Variants in NEBL observed in about 807,000 individuals in gnomAD.
The protein encoded by NEBL is nebulette.
A neutral mutation model predicts 140.2 loss-of-function variants in NEBL; 122 were observed. The observed-to-expected ratio is 0.87, with a 90% confidence interval of 0.75 to 1.01. NEBL has a LOEUF of 1.01. NEBL is among the 50% of genes least tolerant of loss of function. NEBL has a pLI of 0.00. For missense variants in NEBL, 1,365 were observed against 1,231.3 expected (o/e 1.11, Z -1.62); for synonymous variants, 436 against 398.9 (o/e 1.09, Z -1.11).
chr10:21,060,496 C>G (rs1835225006), intron 2 of NEBL, among the ~76,000 whole-genome samples: 1 of 152,296 alleles, frequency 6.6e-6, no homozygotes, highest in East Asian at 1.9e-4. Context: ...CGTACACCCT[C>G]TTGCCTACTC....
At chr10:21,030,350 G>T (rs1833729188) in intron 2 of NEBL, 1 of 621,510 alleles carries the variant, frequency 1.6e-6, no homozygotes. Context: ...CGCCACACCC[G>T]GCAAAAGTCA....
intron 2 of NEBL, among the ~76,000 whole-genome samples, chr10:21,078,801 T>C (rs1413611813): frequency 1.3e-5 from 2 of 152,214 alleles, no homozygotes; most frequent in Admixed American, 1.3e-4. Context: ...GACAGAGATA[T>C]TTGGGCAAAG....
chr10:20,813,070 T>C, intron 23 of NEBL, 130 bp from the exon 24 acceptor site: 1 of 788,474 alleles, frequency 1.3e-6, no homozygotes, highest in Non-Finnish European at 2.1e-6. Context: ...CTTTTCCAAA[T>C]ACTCCAAAAC....
chr10:20,800,136 A>T (rs1227115877), intron 26 of NEBL, among the ~76,000 whole-genome samples: 1 of 82,496 alleles, frequency 1.2e-5, no homozygotes, highest in Non-Finnish European at 2.5e-5. Flanking sequence ...CCATCCCCCC[A>T]CCCCATCGTA....
chr10:21,080,531 T>A (rs1836316697), intron 2 of NEBL, among the ~76,000 whole-genome samples: 1 of 152,248 alleles, frequency 6.6e-6, no homozygotes, highest in Non-Finnish European at 1.5e-5. Flanking sequence ...GAAGTTAGCC[T>A]TGGATCTTAG....
chr10:21,173,728 C>T lies in NEBL; in HGVS notation c.69+37G>A, dbSNP rs1256841101. The stretch of plus-strand genomic sequence containing the variant: ...CTCGAAGCAGGTGCAGCCCCTCGCC[C>T]GGCAGGTCCAGGCTGGCCCGGCGCC... On this transcript the variant is annotated intron_variant, in intron 1 of 6. Coordinates refer to the NEBL transcript ENST00000417816. This position sits in a 1 kb window ranked among gnomAD's most constrained non-coding sequence, Gnocchi z 5.7. 1.2e-6 allele frequency: 2 copies of T among 1,611,580 alleles called. No homozygotes were observed. The highest frequency in any genetic ancestry group is 1.7e-4 in the Middle Eastern group (1 of 6,060).
intron 3 of NEBL, among the ~76,000 whole-genome samples, chr10:21,186,307 C>A (rs1249848894): frequency 1.3e-5 from 2 of 151,110 alleles, no homozygotes; most frequent in Admixed American, 6.6e-5. Context: ...CACATTCCCC[C>A]CCACCATTAA....
At chr10:21,196,321 A>ATTTC (rs1841649381) in intron 3 of NEBL, among the ~76,000 whole-genome samples, 1 of 135,776 alleles carries the variant, frequency 7.4e-6, no homozygotes, top group Non-Finnish European at 1.5e-5. Flanking sequence ...ATTTTTATTT[A>ATTTC]TTTATTTATT....
intron 2 of NEBL, among the ~76,000 whole-genome samples, chr10:21,076,898 T>G (rs559822092): frequency 1.5e-4 from 23 of 151,930 alleles, no homozygotes; most frequent in Non-Finnish European, 2.5e-4. Context: ...GAAAGTAAGA[T>G]GACGGAGGGG....
At chr10:21,116,983 T>C (rs1380424363) in intron 2 of NEBL, among the ~76,000 whole-genome samples, 1 of 152,070 alleles carries the variant, frequency 6.6e-6, no homozygotes, top group African/African-American at 2.4e-5. Flanking sequence ...GAATGACCGG[T>C]AATTTTTATT....
At chr10:20,990,452 T>C (rs1837415349) in intron 3 of NEBL, among the ~76,000 whole-genome samples, 2 of 152,182 alleles carry the variant, frequency 1.3e-5, no homozygotes, top group Admixed American at 6.5e-5. Context: ...TCTCTCTCTC[T>C]CTACCATGCA....
In NEBL at chr10:20,958,831, T is replaced by C. The variant is rs528242150; in HGVS notation, c.357+2841A>G. Among the ~76,000 whole-genome samples the C allele has an allele frequency of 2.6e-5, 4 of 152,268 alleles. 1 individual carries two copies. In the South Asian group the frequency reaches 8.3e-4, roughly 31 times the overall value. On this transcript the variant is annotated intron_variant, in intron 4 of 6. Transcript: ENST00000417816. ...ATTACAGCTACCCAGAAAAGGCAAG[T>C]TCACCCACTCTCACCTCGTTCATCA...
intron 2 of NEBL, among the ~76,000 whole-genome samples, chr10:21,078,233 A>G (rs1329632555): frequency 1.3e-5 from 2 of 152,214 alleles, no homozygotes; most frequent in African/African-American, 4.8e-5. Flanking sequence ...AAACAAATGG[A>G]CCAGAATGAA....
At chr10:21,006,453 G>A (rs1262671696) in intron 3 of NEBL, among the ~76,000 whole-genome samples, 1 of 152,160 alleles carries the variant, frequency 6.6e-6, no homozygotes, top group Non-Finnish European at 1.5e-5. Context: ...AAGGCAGGGA[G>A]TCCATAATCT....
At chr10:21,014,058 T>A (rs1838460088) in intron 3 of NEBL, among the ~76,000 whole-genome samples, 1 of 152,164 alleles carries the variant, frequency 6.6e-6, no homozygotes, top group African/African-American at 2.4e-5. Flanking sequence ...CCTTAAAACA[T>A]ACTTAAAATA....
chr10:21,087,176 G>A lies in NEBL; in HGVS notation c.165-66975C>T, dbSNP rs541575396. Among the ~76,000 whole-genome samples the A allele has an allele frequency of 5.9e-5, 9 of 152,204 alleles. No homozygotes were observed. In the South Asian group the frequency reaches 8.3e-4, roughly 14 times the overall value. ...CTCCTGGAGAACAGGGAAAGTTACT[G>A]TCTCCTCCCCAGACCCCCCACCAAT... On this transcript the variant is annotated intron_variant, in intron 2 of 6. Coordinates refer to the NEBL transcript ENST00000417816.
chr10:21,254,154 T>C (rs772190853), intron 1 of NEBL, among the ~76,000 whole-genome samples: 44 of 152,334 alleles, frequency 2.9e-4, no homozygotes, highest in Middle Eastern at 3.4e-3. Flanking sequence ...AAAATATTTT[T>C]AGAGACAGGG....
At chr10:20,888,388 A>G (rs1258962283) in intron 3 of NEBL, among the ~76,000 whole-genome samples, 181 bp from the exon 4 acceptor site, 2 of 152,240 alleles carry the variant, frequency 1.3e-5, no homozygotes, top group African/African-American at 4.8e-5. Context: ...ATAGAAATAA[A>G]TCCAATTTAT....
At position 20,838,427 on chromosome 10, in the gene NEBL, A is replaced by G. The variant is rs550282621; in HGVS notation, c.1338+2312T>C. The stretch of plus-strand genomic sequence containing the variant: ...CTGAACTGCTGCCATCTCATAATCA[A>G]ACTTGAATGGATAAGGAGTTGCTTC... On this transcript the variant is annotated intron_variant, in intron 13 of 27. Transcript: ENST00000377122. Among the ~76,000 whole-genome samples, 4 of 152,298 alleles carry G rather than the reference A, an allele frequency of 2.6e-5. No individual in the cohort carries two copies. The South Asian group carries it at 8.3e-4, about 32-fold the overall frequency.
Sources: allele counts gnomAD v4.1 joint callset (sites outside exome capture counted in the v4.1 genomes callset), GRCh38; gene constraint gnomAD v4.1.1; non-coding constraint Gnocchi (gnomAD v3.1); transcripts MANE v1.5; gene names NCBI Gene and HGNC (gene_info 2026-07-23, HGNC 2026-07-21).